The following SLC66A2 variants were observed in gnomAD, a reference collection of about 807,000 sequenced individuals.
SLC66A2 encodes PQ loop repeat containing 1.
In SLC66A2, 23 loss-of-function variants were observed where a neutral mutation model predicts 25.5. That is an observed-to-expected ratio of 0.90 (90% CI 0.65 to 1.28). The LOEUF (loss-of-function observed/expected upper bound fraction) is 1.28. SLC66A2 is among the 50% of genes most tolerant of loss of function. The pLI is 0.00. For synonymous variants in SLC66A2, 193 were observed against 166.5 expected (o/e 1.16, Z -1.23); for missense variants, 396 against 373.1 (o/e 1.06, Z -0.51).
intron 5 of SLC66A2, among the ~76,000 whole-genome samples, chr18:79,910,981 T>C (rs1983025994): frequency 6.6e-6 from 1 of 152,244 alleles, no homozygotes; most frequent in Non-Finnish European, 1.5e-5. Context: ...GGAATGCCCC[T>C]GGCTGCCAGG....
rs925628670 is a variant in SLC66A2, at chr18:79,941,628, C to T, written c.337+1701G>A. 2 of 152,230 alleles carry T rather than the reference C, an allele frequency of 1.3e-5. No homozygotes were observed. The highest frequency in any genetic ancestry group is 2.9e-5 in the Non-Finnish European group (2 of 68,066). 9.4% of individuals were successfully genotyped at this position (152,230 alleles called of 1,614,324 possible). A position where few individuals can be genotyped will look rare whatever the true frequency, so the allele number is the denominator to read the frequency against. ...AACGGTCCTCTGAGACAAGCCTGAA[C>T]CTGCACCTGCTGGTAAAATGAATGC... On this transcript the variant is annotated intron_variant, in intron 3 of 5. Transcript: ENST00000397778. This position sits in a 1 kb window ranked among gnomAD's most constrained non-coding sequence, Gnocchi z 4.1.
intron 4 of SLC66A2, among the ~76,000 whole-genome samples, chr18:79,926,362 T>C (rs1224108813): frequency 6.6e-6 from 1 of 152,038 alleles, no homozygotes; most frequent in Admixed American, 6.6e-5. Flanking sequence ...GTAATAAACA[T>C]GAGAGGGACA....
intron 2 of SLC66A2, 29 bp downstream of exon 2, chr18:79,950,695 C>T (rs755832572): frequency 1.2e-6 from 2 of 1,608,790 alleles, no homozygotes; most frequent in Admixed American, 3.3e-5. Flanking sequence ...TCTCCGGGTG[C>T]AGCCCAGGAA....
Position 79,904,926 on chromosome 18 carries a change from G to A in SLC66A2, c.609-743C>T, listed in dbSNP as rs1305208983. ...CAGAGGCAGAGCCTGGGTGGGGAGCGCTGCCTGGACAGAAAGGACAGGACA... is the reference window on the plus strand; with the variant it reads ...CAGAGGCAGAGCCTGGGTGGGGAGCACTGCCTGGACAGAAAGGACAGGACA... On this transcript the variant is annotated intron_variant, in intron 5 of 5. Coordinates refer to ENST00000397778, the MANE Select transcript of SLC66A2 (RefSeq NM_025078.5). The surrounding 1 kb of genome is among the most constrained non-coding windows in gnomAD (Gnocchi z 6.3). Among the ~76,000 whole-genome samples, 1 of 152,192 alleles carries A rather than the reference G, an allele frequency of 6.6e-6. No homozygotes were observed. The highest frequency in any genetic ancestry group is 1.5e-5 in the Non-Finnish European group (1 of 68,022).
Position 79,904,594 on chromosome 18 carries a change from A to G in SLC66A2, c.609-411T>C, listed in dbSNP as rs1017725051. Among the ~76,000 whole-genome samples the G allele has an allele frequency of 6.6e-6, 1 of 152,080 alleles. No homozygotes were observed. Among genetic ancestry groups the G allele is most frequent in the African/African-American group, 2.4e-5 (1 of 41,410 alleles). On this transcript the variant is annotated intron_variant, in intron 5 of 5. Transcript: ENST00000397778. This position sits in a 1 kb window ranked among gnomAD's most constrained non-coding sequence, Gnocchi z 6.3. Reference sequence around the variant, plus strand: ...TCAGGGCCCCTGGTGCGCGGTGGCAATTCTGGGAGGGGCCGGGCCTGGGAG... The same window carrying G: ...TCAGGGCCCCTGGTGCGCGGTGGCAGTTCTGGGAGGGGCCGGGCCTGGGAG...
chr18:79,913,230 GCACCTGCCCAGGCTCTTCCACAGC>G (rs1478142641), intron 5 of SLC66A2, among the ~76,000 whole-genome samples: 3 of 152,200 alleles, frequency 2.0e-5, no homozygotes, highest in Non-Finnish European at 2.9e-5. Flanking sequence ...GTCCACACAG[GCACCTGCCCAGGCTCTTCCACAGC>G]CACGGTGTCT....
chr18:79,912,533 A>C (rs11661232), intron 5 of SLC66A2, among the ~76,000 whole-genome samples: 8 of 151,884 alleles, frequency 5.3e-5, no homozygotes, highest in Non-Finnish European at 1.0e-4. Flanking sequence ...ACGTGTCACC[A>C]GGCCACGTGT....
intron 2 of SLC66A2, among the ~76,000 whole-genome samples, chr18:79,946,626 T>C (rs968364443): frequency 1.3e-5 from 2 of 152,160 alleles, no homozygotes; most frequent in African/African-American, 4.8e-5. Flanking sequence ...GCCCCATAAC[T>C]GACCAGGCCC....
intron 3 of SLC66A2, among the ~76,000 whole-genome samples, chr18:79,942,460 A>G (rs961345644): frequency 6.6e-6 from 1 of 152,204 alleles, no homozygotes; most frequent in African/African-American, 2.4e-5. Context: ...AACAGGACGA[A>G]GTAGCGGTCA....
At chr18:79,932,916 A>T (rs1258833277) in intron 4 of SLC66A2, among the ~76,000 whole-genome samples, 1 of 152,248 alleles carries the variant, frequency 6.6e-6, no homozygotes, top group Non-Finnish European at 1.5e-5. Context: ...CTCTAAAAAG[A>T]TAGAAAAGGA....
intron 4 of SLC66A2, among the ~76,000 whole-genome samples, chr18:79,930,834 G>C (rs1240380779): frequency 6.6e-6 from 1 of 152,072 alleles, no homozygotes; most frequent in Admixed American, 6.6e-5. Flanking sequence ...CTTTTCTCAA[G>C]TTCTTGAATG....
intron 5 of SLC66A2, chr18:79,916,109 GCTCCCGTACC>G (rs1984031740): frequency 1.1e-5 from 2 of 186,332 alleles, no homozygotes; most frequent in African/African-American, 3.0e-5. Context: ...TACCCGCAGT[GCTCCCGTACC>G]CTCCCATACC....
At chr18:79,926,847 A>G (rs759119503) in intron 4 of SLC66A2, among the ~76,000 whole-genome samples, 2 of 152,102 alleles carry the variant, frequency 1.3e-5, no homozygotes, top group African/African-American at 2.4e-5. Context: ...TAATTTTCCT[A>G]GTTGTAGCTC....
At chr18:79,908,480 C>G (rs995884106) in intron 5 of SLC66A2, among the ~76,000 whole-genome samples, 4 of 152,134 alleles carry the variant, frequency 2.6e-5, no homozygotes, top group Non-Finnish European at 5.9e-5. Context: ...TTTTATTTGA[C>G]TTTGATTCTT....
chr18:79,921,821 TCA>T lies in SLC66A2; in HGVS notation c.392-2423_392-2422del, dbSNP rs1434322851. 1.7e-3 allele frequency among the ~76,000 whole-genome samples: 31 copies of T among 18,384 alleles called. 9 individuals are homozygous for T. Among genetic ancestry groups the T allele is most frequent in the African/African-American group, 3.6e-3 (31 of 8,666 alleles). The allele number at this position is 18,384 out of a possible 152,430, so 12.1% of individuals were successfully genotyped here. ...GGAGAGACAGGAACCGAGGGAGAGGTCAGGGTCAGAGGAGGAGAGACAGGAAC... is the reference window on the plus strand; with the variant it reads ...GGAGAGACAGGAACCGAGGGAGAGGTGGGTCAGAGGAGGAGAGACAGGAAC... On this transcript the variant is annotated intron_variant, in intron 4 of 5. Coordinates refer to ENST00000397778, the MANE Select transcript of SLC66A2 (RefSeq NM_025078.5).
At chr18:79,934,075 A>G in intron 3 of SLC66A2, 53 bp from the exon 4 acceptor site, 1 of 1,410,138 alleles carries the variant, frequency 7.1e-7, no homozygotes, top group Non-Finnish European at 1.0e-6. Flanking sequence ...ACAGAAACAT[A>G]CTGGTTTTAA....
At chr18:79,907,640 C>G (rs575958131) in intron 5 of SLC66A2, among the ~76,000 whole-genome samples, 1 of 152,176 alleles carries the variant, frequency 6.6e-6, no homozygotes, top group South Asian at 2.1e-4. Flanking sequence ...CGTGAGCCAC[C>G]GTGTCAGGCC....
At chr18:79,934,066 C>G (rs769497616) in intron 3 of SLC66A2, 44 bp from the exon 4 acceptor site, 4 of 1,501,872 alleles carry the variant, frequency 2.7e-6, no homozygotes, top group Non-Finnish European at 3.7e-6. Flanking sequence ...GGGAAAAAGA[C>G]AGAAACATAC....
In SLC66A2 at chr18:79,917,760, A is replaced by G. The variant is rs1984389900; in HGVS notation, c.608+1424T>C. 6.6e-6 allele frequency among the ~76,000 whole-genome samples: 1 copy of G among 151,874 alleles called. No homozygotes were observed. Among genetic ancestry groups the G allele is most frequent in the African/African-American group, 2.4e-5 (1 of 41,300 alleles). On this transcript the variant is annotated intron_variant, in intron 5 of 5. Coordinates refer to ENST00000397778, the MANE Select transcript of SLC66A2 (RefSeq NM_025078.5). This position sits in a 1 kb window ranked among gnomAD's most constrained non-coding sequence, Gnocchi z 6.0. ...GGCCTCCATGCACCCTCGCCCGAGA[A>G]ACCCCAGCAACCCCCCTGGTCTTGA... is the stretch of plus-strand genomic sequence containing the variant.
Sources: allele counts gnomAD v4.1 joint callset (sites outside exome capture counted in the v4.1 genomes callset), GRCh38; gene constraint gnomAD v4.1.1; non-coding constraint Gnocchi (gnomAD v3.1); transcripts MANE v1.5; gene names NCBI Gene and HGNC (gene_info 2026-07-23, HGNC 2026-07-21).